Variants in HCRTR2 observed in about 807,000 individuals in gnomAD.
The protein encoded by HCRTR2 is orexin receptor type 2.
A neutral mutation model predicts 49.0 loss-of-function variants in HCRTR2; 22 were observed. The observed-to-expected ratio is 0.45, with a 90% CI of 0.32 to 0.64. The LOEUF (loss-of-function observed/expected upper bound fraction) is 0.64. Among genes scored for constraint, HCRTR2 ranks in the 30% least tolerant of loss-of-function variants. HCRTR2 has a pLI of 0.04. For missense variants in HCRTR2, 491 were observed against 559.4 expected (o/e 0.88, Z 1.23); for synonymous variants, 236 against 205.3 (o/e 1.15, Z -1.28).
At chr6:55,121,132 G>T (rs897464387) in intron 1 of HCRTR2, among the ~76,000 whole-genome samples, 1 of 152,144 alleles carries the variant, frequency 6.6e-6, no homozygotes, top group Non-Finnish European at 1.5e-5. Flanking sequence ...CCATTTGTTT[G>T]TATCCTCTTT....
intron 4 of HCRTR2, among the ~76,000 whole-genome samples, chr6:55,268,102 T>G (rs887351919): frequency 5.3e-5 from 8 of 152,168 alleles, no homozygotes; most frequent in Admixed American, 4.6e-4. Context: ...TTTTATACTA[T>G]TGAAATTACA....
chr6:55,155,311 CT>C (rs1258972464), intron 1 of HCRTR2, among the ~76,000 whole-genome samples: 3 of 151,784 alleles, frequency 2.0e-5, no homozygotes, highest in Non-Finnish European at 4.4e-5. Flanking sequence ...TTGTTTTGAA[CT>C]TGTCTCTTCC....
downstream of HCRTR2, among the ~76,000 whole-genome samples, chr6:55,283,694 A>G (rs1157471595): frequency 2.6e-5 from 4 of 151,882 alleles, no homozygotes. Flanking sequence ...ATGAAAGATG[A>G]TTTTCATCTC....
chr6:55,274,778 A>G (rs1269695182), intron 4 of HCRTR2, among the ~76,000 whole-genome samples: 2 of 152,150 alleles, frequency 1.3e-5, no homozygotes, highest in Admixed American at 6.6e-5. Context: ...ATCTCTATTC[A>G]TGAAGGATAT....
chr6:55,202,302 C>G lies in HCRTR2; in HGVS notation c.223+27492C>G, dbSNP rs554402598. Among the ~76,000 whole-genome samples, 209 of 152,288 alleles carry G rather than the reference C, an allele frequency of 1.4e-3. 1 individual carries two copies. The highest frequency in any genetic ancestry group is 0.01 in the Admixed American group (159 of 15,292). ...ACTCTTGCTAAATACTCTCAACCCA[C>G]TCATGAAATTAAAGCACATTGGAAA... On this transcript the variant is annotated intron_variant, in intron 1 of 6. Coordinates refer to ENST00000370862, the MANE Select transcript of HCRTR2 (RefSeq NM_001384272.1).
intron 1 of HCRTR2, among the ~76,000 whole-genome samples, chr6:55,116,910 T>C (rs1764126359): frequency 6.6e-6 from 1 of 151,696 alleles, no homozygotes; most frequent in Non-Finnish European, 1.5e-5. Context: ...ATTTCCATCC[T>C]TGCTAAACGT....
chr6:55,256,702 A>C (rs1010490520), intron 3 of HCRTR2, among the ~76,000 whole-genome samples: 6 of 151,976 alleles, frequency 3.9e-5, no homozygotes, highest in Non-Finnish European at 7.4e-5. Context: ...CAGACAAAAA[A>C]AAAATCAATG....
intron 1 of HCRTR2, among the ~76,000 whole-genome samples, chr6:55,176,750 A>T (rs1765047232): frequency 6.6e-6 from 1 of 152,196 alleles, no homozygotes; most frequent in South Asian, 2.1e-4. Context: ...AAGCATATAG[A>T]GAATAGATTC....
At chr6:55,136,590 A>C (rs1764436863) in intron 1 of HCRTR2, among the ~76,000 whole-genome samples, 1 of 152,196 alleles carries the variant, frequency 6.6e-6, no homozygotes, top group South Asian at 2.1e-4. Context: ...AATAGATAAA[A>C]TATATTATAT....
At chr6:55,240,545 G>GGT (rs1173804774) in intron 1 of HCRTR2, among the ~76,000 whole-genome samples, 1 of 152,100 alleles carries the variant, frequency 6.6e-6, no homozygotes, top group Non-Finnish European at 1.5e-5. Context: ...ACTTTGCCAA[G>GGT]GTGTGTAGGT....
chr6:55,222,556 T>G (rs3122162), intron 1 of HCRTR2, among the ~76,000 whole-genome samples: 57,538 of 151,970 alleles, frequency 0.38, 11,722 homozygotes, highest in African/African-American at 0.53. Flanking sequence ...TGACAGATGA[T>G]TCAATAAAAT....
chr6:55,151,334 CTT>C (rs1764662078), intron 1 of HCRTR2, among the ~76,000 whole-genome samples: 6 of 152,124 alleles, frequency 3.9e-5, no homozygotes, highest in African/African-American at 1.4e-4. Flanking sequence ...TCTGCCACTG[CTT>C]TATCAACTAA....
chr6:55,227,975 G>A (rs529858679), intron 1 of HCRTR2, among the ~76,000 whole-genome samples: 4 of 152,274 alleles, frequency 2.6e-5, no homozygotes, highest in Admixed American at 2.6e-4. Context: ...ACTGGTTATA[G>A]TCTGAAAGAT....
At chr6:55,180,363 A>C (rs1402345829) in intron 1 of HCRTR2, among the ~76,000 whole-genome samples, 1 of 152,170 alleles carries the variant, frequency 6.6e-6, no homozygotes. Flanking sequence ...ATAGGCAAAA[A>C]GAGGAAGGAA....
In HCRTR2 at chr6:55,282,563, C is replaced by CA; in HGVS notation, c.*109_*110insA. On this transcript the variant is annotated 3_prime_UTR_variant, in exon 7 of 7. Transcript: ENST00000370862. ...TGTGAAGCTAAAATTACTTGTGGAT[C>CA]TTTTTTTTTTTTAATCTATTGCTCT... The CA allele has an allele frequency of 1.8e-6, 1 of 552,046 alleles. No individual in the cohort carries two copies. Among genetic ancestry groups the CA allele is most frequent in the Non-Finnish European group, 3.2e-6 (1 of 314,976 alleles). 34.2% of individuals were successfully genotyped at this position (552,046 alleles called of 1,614,324 possible).
intron 1 of HCRTR2, among the ~76,000 whole-genome samples, chr6:55,153,437 A>C (rs887003354): frequency 6.6e-6 from 1 of 152,032 alleles, no homozygotes; most frequent in African/African-American, 2.4e-5. Context: ...GTGTAACACA[A>C]TGGTAATCAT....
At chr6:55,198,980 C>T (rs1765464660) in intron 1 of HCRTR2, among the ~76,000 whole-genome samples, 2 of 152,158 alleles carry the variant, frequency 1.3e-5, no homozygotes, top group Admixed American at 6.5e-5. Context: ...TTTCTGTTTT[C>T]CTGGTTGCTC....
At chr6:55,240,269 A>G (rs1035101751) in intron 1 of HCRTR2, among the ~76,000 whole-genome samples, 15 of 145,850 alleles carry the variant, frequency 1.0e-4, no homozygotes, top group Non-Finnish European at 2.1e-4. Flanking sequence ...GAGGCAGGAG[A>G]ATGGCGTGAA....
At chr6:55,277,889 T>A (rs1767109393) in intron 5 of HCRTR2, among the ~76,000 whole-genome samples, 1 of 152,176 alleles carries the variant, frequency 6.6e-6, no homozygotes. Context: ...GCAGACAAAG[T>A]TCTAATGCGT....
Sources: gnomAD v4.1 joint callset for allele counts (sites outside exome capture counted in the v4.1 genomes callset) on GRCh38, gnomAD v4.1.1 for gene constraint, MANE v1.5 for transcripts, NCBI Gene and HGNC (gene_info 2026-07-23, HGNC 2026-07-21) for gene names.